The following MED13L variants were observed in gnomAD, a reference collection of about 807,000 sequenced individuals.
MED13L encodes the protein mediator complex subunit 13L.
Under a neutral mutation model 220.9 loss-of-function variants are expected in MED13L, and 7 were observed. The observed-to-expected ratio is 0.03, with a 90% CI of 0.02 to 0.06. The LOEUF (loss-of-function observed/expected upper bound fraction) is 0.06, where lower values mean the gene tolerates loss of function less well. Ranked by LOEUF, MED13L falls within the 10% of genes least tolerant of loss-of-function variation. The pLI, the probability that MED13L is intolerant of heterozygous loss-of-function variation, is 1.00. For synonymous variants in MED13L, 1,011 were observed against 1,015.2 expected, an observed-to-expected ratio of 1.00 and a Z score of 0.08; for missense variants, 1,965 against 2,760.5, an observed-to-expected ratio of 0.71 and a Z score of 6.46.
intron 1 of MED13L, among the ~76,000 whole-genome samples, chr12:116,261,786 T>G (rs1169890310): frequency 6.6e-6 from 1 of 152,214 alleles, no homozygotes; most frequent in Non-Finnish European, 1.5e-5. Flanking sequence ...TCCTGTTCTA[T>G]GGCATATTTA....
Position 116,008,717 on chromosome 12 carries a change from G to T in MED13L, c.1696C>A (p.Gln566Lys). ...GGTGGGTCCAAACTCTCTGTTTCCT[G>T]ACCTCGTGGCTGAGGGCTGAGTGTT... ...PPTLSPQPRG[Q>K]ETESLDPPSV... Residue 566 changes from glutamine to lysine, a missense_variant, in exon 10 of 31, where the codon CAG becomes AAG. Around this residue, in one of 10 missense-constraint regions of MED13L, gnomAD observed 818 missense variants for 1,041.2 expected, o/e 0.79. Transcript: ENST00000281928. The T allele has an allele frequency of 6.2e-7, 1 of 1,614,024 alleles. No homozygotes were observed. The highest frequency in any genetic ancestry group is 1.1e-5 in the South Asian group (1 of 91,072).
At chr12:116,244,551 T>C (rs1483767051) in intron 1 of MED13L, among the ~76,000 whole-genome samples, 1 of 152,162 alleles carries the variant, frequency 6.6e-6, no homozygotes, top group African/African-American at 2.4e-5. Flanking sequence ...TACAACCCAA[T>C]TGACACAGAA....
At chr12:116,149,498 A>C (rs1302526452) in intron 2 of MED13L, among the ~76,000 whole-genome samples, 1 of 152,246 alleles carries the variant, frequency 6.6e-6, no homozygotes, top group Admixed American at 6.5e-5. Flanking sequence ...TTGACAAAGA[A>C]GGCTGGCTCT....
chr12:115,981,912 A>C (rs1877355929), intron 22 of MED13L: 1 of 161,642 alleles, frequency 6.2e-6, no homozygotes, highest in African/African-American at 2.4e-5. Flanking sequence ...AATTATGACT[A>C]TTTTTCTTTT....
intron 16 of MED13L, among the ~76,000 whole-genome samples, chr12:115,995,922 AAAAAGTC>A (rs1878371653): frequency 6.6e-6 from 1 of 152,204 alleles, no homozygotes; most frequent in Non-Finnish European, 1.5e-5. Flanking sequence ...TTACATCATC[AAAAAGTC>A]AAAAACTCCT....
chr12:116,119,710 C>T (rs1417356936), intron 2 of MED13L, among the ~76,000 whole-genome samples: 1 of 148,370 alleles, frequency 6.7e-6, no homozygotes, highest in Admixed American at 6.8e-5. Context: ...GAGGCTGAGG[C>T]AGAAGGCTCA....
intron 2 of MED13L, among the ~76,000 whole-genome samples, chr12:116,145,044 T>C (rs1877363690): frequency 6.6e-6 from 1 of 152,238 alleles, no homozygotes; most frequent in South Asian, 2.1e-4. Flanking sequence ...ATTATGATCC[T>C]ATTTTCTTCA....
At chr12:116,225,375 A>G (rs1868874079) in intron 2 of MED13L, among the ~76,000 whole-genome samples, 1 of 152,220 alleles carries the variant, frequency 6.6e-6, no homozygotes, top group South Asian at 2.1e-4. Context: ...AACTGCTCCC[A>G]GCCACCTCTG....
rs148144013 is a variant in MED13L, at chr12:116,097,678, C to T, written c.396-926G>A. On this transcript the variant is annotated intron_variant, in intron 3 of 30. Coordinates refer to ENST00000281928, the MANE Select transcript of MED13L (RefSeq NM_015335.5). ...AATGAATATCTGCTTTATTCATATA[C>T]AAGCAGTGGCCCACTTCTGTTTCCA... Among the ~76,000 whole-genome samples, 25 of 152,304 alleles carry T rather than the reference C, an allele frequency of 1.6e-4. No individual in the cohort carries two copies. In the East Asian group the frequency reaches 3.9e-3, roughly 24 times the overall value.
rs748815872 is a variant in MED13L at position 115,964,103 on chromosome 12, A to T, written c.6388-584T>A. The stretch of plus-strand genomic sequence containing the variant: ...CTCTGTCTCCAAAAAAAAGAAACAA[A>T]CAAACCAACCCCCAAAAAACCCTCC... On this transcript the variant is annotated intron_variant, in intron 29 of 30. Transcript: ENST00000281928. Among the ~76,000 whole-genome samples the T allele has an allele frequency of 1.4e-3, 212 of 152,070 alleles. 5 individuals carry two copies. Among genetic ancestry groups the T allele is most frequent in the South Asian group, 1.7e-3 (8 of 4,826 alleles).
In MED13L at chr12:116,176,976, T is replaced by C. The variant is rs190791138; in HGVS notation, c.310+60492A>G. Among the ~76,000 whole-genome samples the C allele has an allele frequency of 2.0e-5, 3 of 152,160 alleles. No individual in the cohort carries two copies. The East Asian group carries it at 5.8e-4, about 29-fold the overall frequency. Reference sequence around the variant, plus strand: ...ATACACTCCCTCATCCTCAAATTCTTAAATACTGCAATAACTTGGTTAAAT... The same window carrying C: ...ATACACTCCCTCATCCTCAAATTCTCAAATACTGCAATAACTTGGTTAAAT... On this transcript the variant is annotated intron_variant, in intron 2 of 30. Transcript: ENST00000281928.
intron 2 of MED13L, among the ~76,000 whole-genome samples, chr12:116,225,748 A>C (rs1868915933): frequency 1.3e-5 from 2 of 152,312 alleles, no homozygotes; most frequent in South Asian, 4.1e-4. Context: ...AAACAATCTT[A>C]ATGAAGAGAC....
At chr12:116,023,165 G>A (rs1880164349) in intron 4 of MED13L, among the ~76,000 whole-genome samples, 1 of 152,048 alleles carries the variant, frequency 6.6e-6, no homozygotes, top group Non-Finnish European at 1.5e-5. Context: ...GCACGGTGGT[G>A]TGCACCTGTA....
chr12:115,997,670 C>T (rs1878493577), intron 14 of MED13L, among the ~76,000 whole-genome samples: 1 of 152,214 alleles, frequency 6.6e-6, no homozygotes, highest in Non-Finnish European at 1.5e-5. Context: ...GGCCCGCCTG[C>T]CTCGTACTCC....
At chr12:116,055,350 AG>A (rs1321103562) in intron 4 of MED13L, among the ~76,000 whole-genome samples, 1 of 152,252 alleles carries the variant, frequency 6.6e-6, no homozygotes, top group Admixed American at 6.5e-5. Context: ...GAATGTTTTC[AG>A]AAAGTTCATT....
intron 4 of MED13L, among the ~76,000 whole-genome samples, chr12:116,045,070 G>C (rs1316899730): frequency 6.6e-6 from 1 of 152,168 alleles, no homozygotes; most frequent in Non-Finnish European, 1.5e-5. Context: ...AAGGAAAAGA[G>C]GGGGCCCCTC....
intron 1 of MED13L, among the ~76,000 whole-genome samples, chr12:116,257,245 A>G (rs1302788666): frequency 1.3e-5 from 2 of 152,196 alleles, no homozygotes; most frequent in Non-Finnish European, 2.9e-5. Flanking sequence ...ACAGAAACGT[A>G]TATTATTTAC....
At chr12:116,031,601 G>GAA (rs1555251620) in intron 4 of MED13L, among the ~76,000 whole-genome samples, 1 of 107,266 alleles carries the variant, frequency 9.3e-6, no homozygotes, top group Non-Finnish European at 1.8e-5. Context: ...AAAAAAAGAA[G>GAA]AGAGAAGAGA....
At chr12:116,223,031 A>G (rs1380215615) in intron 2 of MED13L, among the ~76,000 whole-genome samples, 1 of 152,228 alleles carries the variant, frequency 6.6e-6, no homozygotes, top group East Asian at 1.9e-4. Context: ...ATTTGATTCT[A>G]TAGTAAAACG....
Sources: allele counts gnomAD v4.1 joint callset (sites outside exome capture counted in the v4.1 genomes callset), GRCh38; gene constraint gnomAD v4.1.1; regional missense constraint gnomAD v4.1.1; transcripts MANE v1.5; gene names NCBI Gene and HGNC (gene_info 2026-07-23, HGNC 2026-07-21).